The following ZFAT variants were observed in gnomAD, a reference collection of about 807,000 sequenced individuals.
The protein encoded by ZFAT is zinc finger protein ZFAT.
Under a neutral mutation model 117.7 loss-of-function variants are expected in ZFAT, and 64 were observed. The ratio of observed to expected loss-of-function variants is 0.54; its 90% CI spans 0.44 to 0.67. ZFAT has a LOEUF of 0.67. Among genes scored for constraint, ZFAT ranks in the 30% least tolerant of loss-of-function variants. The probability of loss-of-function intolerance (pLI) is 0.00; values close to 1 mark genes in which losing one functional copy is unlikely to be tolerated. For synonymous variants in ZFAT, 679 were observed against 615.0 expected (o/e 1.10, Z -1.54); for missense variants, 1,433 against 1,584.5 (o/e 0.90, Z 1.62).
intron 5 of ZFAT, among the ~76,000 whole-genome samples, chr8:134,604,759 A>G (rs1213393155): frequency 2.6e-5 from 4 of 152,232 alleles, no homozygotes; most frequent in Non-Finnish European, 5.9e-5. Context: ...ACCAGAGGGT[A>G]CAATCCACAT....
At chr8:134,810,939 G>A in the ZFAT span, among the ~76,000 whole-genome samples, 1 of 151,924 alleles carries the variant, frequency 6.6e-6, no homozygotes, top group Non-Finnish European at 1.5e-5. Context: ...TAACATGGGG[G>A]GGAAATCAGT....
intron 11 of ZFAT, among the ~76,000 whole-genome samples, chr8:134,546,592 C>G (rs2130666355): frequency 6.6e-6 from 1 of 152,296 alleles, no homozygotes; most frequent in East Asian, 1.9e-4. Flanking sequence ...GTGATAGCTT[C>G]TTCAGTCTTA....
intron 7 of ZFAT, chr8:134,599,739 G>A (rs1033228217): frequency 8.8e-6 from 4 of 455,732 alleles, no homozygotes; most frequent in Non-Finnish European, 1.8e-5. Flanking sequence ...CCTGGGGCCA[G>A]ATGTGCTTCC....
chr8:134,536,192 C>T (rs1821825741), intron 11 of ZFAT, among the ~76,000 whole-genome samples: 1 of 152,180 alleles, frequency 6.6e-6, no homozygotes, highest in African/African-American at 2.4e-5. Flanking sequence ...GTCTCTTGAG[C>T]TAGCAATTTC....
intron 1 of ZFAT, among the ~76,000 whole-genome samples, chr8:134,697,911 G>A (rs987984703): frequency 7.9e-5 from 12 of 151,424 alleles, no homozygotes; most frequent in African/African-American, 2.2e-4. Flanking sequence ...GCTCAGTGCT[G>A]AGCAACAGAC....
intron 1 of ZFAT, among the ~76,000 whole-genome samples, chr8:134,709,456 G>A (rs537945384): frequency 2.0e-5 from 3 of 152,308 alleles, no homozygotes; most frequent in East Asian, 1.9e-4. Context: ...GCCAGAGCAC[G>A]TGCTCTTTCT....
chr8:134,722,754 A>AG, the ZFAT span, among the ~76,000 whole-genome samples: 3 of 152,162 alleles, frequency 2.0e-5, no homozygotes, highest in Non-Finnish European at 4.4e-5. Context: ...CTCGACCTTG[A>AG]GGGGCTTACA....
At chr8:134,617,569 G>A (rs1828833903) in intron 3 of ZFAT, among the ~76,000 whole-genome samples, 1 of 152,146 alleles carries the variant, frequency 6.6e-6, no homozygotes, top group African/African-American at 2.4e-5. Context: ...AGGGGCAGAT[G>A]GGATGGTAGA....
chr8:134,791,136 C>G, the ZFAT span, among the ~76,000 whole-genome samples: 1 of 152,124 alleles, frequency 6.6e-6, no homozygotes, highest in Non-Finnish European at 1.5e-5. Flanking sequence ...CTTAATGTGC[C>G]TCACATTTTT....
chr8:134,798,697 T>C, the ZFAT span, among the ~76,000 whole-genome samples: 1 of 152,082 alleles, frequency 6.6e-6, no homozygotes, highest in African/African-American at 2.4e-5. Flanking sequence ...ATGTATGTAA[T>C]ATAAAGATAT....
rs564507815 is a variant in ZFAT at position 134,546,996 on chromosome 8, A to G, written c.2977-14024T>C. Among the ~76,000 whole-genome samples, 12 of 152,344 alleles carry G rather than the reference A, an allele frequency of 7.9e-5. No homozygotes were observed. In the East Asian group the frequency reaches 2.1e-3, roughly 27 times the overall value. On this transcript the variant is annotated intron_variant, in intron 11 of 15. Coordinates refer to ENST00000377838, the MANE Select transcript of ZFAT (RefSeq NM_020863.4). ...TGCAGCAATAGAGGAAGATGAGCTC[A>G]AGGAGGGGACCCCAAATTCACAACA...
intron 8 of ZFAT, among the ~76,000 whole-genome samples, chr8:134,588,695 T>C (rs77496190): frequency 0.012 from 1,770 of 152,200 alleles, 28 homozygotes; most frequent in African/African-American, 0.04. Flanking sequence ...GTCAATGTCA[T>C]GGAAAAAAGC....
intron 1 of ZFAT, among the ~76,000 whole-genome samples, chr8:134,703,347 T>A (rs1402507948): frequency 6.6e-6 from 1 of 152,276 alleles, no homozygotes; most frequent in Non-Finnish European, 1.5e-5. Context: ...ATTAGTTTTG[T>A]CTGCCTTACA....
intron 11 of ZFAT, among the ~76,000 whole-genome samples, chr8:134,537,961 G>A (rs925259220): frequency 7.9e-5 from 12 of 152,182 alleles, no homozygotes; most frequent in African/African-American, 2.9e-4. Flanking sequence ...AAGTCATATG[G>A]ATAATGGGAG....
the ZFAT span, among the ~76,000 whole-genome samples, chr8:134,747,163 A>G: frequency 1.3e-5 from 2 of 152,008 alleles, no homozygotes; most frequent in African/African-American, 4.8e-5. Context: ...ATCATGGCTC[A>G]CTGCAGCCTC....
At chr8:134,726,986 C>T in the ZFAT span, among the ~76,000 whole-genome samples, 12 of 152,026 alleles carry the variant, frequency 7.9e-5, no homozygotes, top group Admixed American at 4.6e-4. Context: ...GTTTAGCAAC[C>T]ATCTGACCAT....
chr8:134,693,308 T>G (rs796948519), intron 1 of ZFAT, among the ~76,000 whole-genome samples: 46 of 152,256 alleles, frequency 3.0e-4, no homozygotes, highest in African/African-American at 1.0e-3. Context: ...GGGGGCACGC[T>G]GAAGGAATAC....
At chr8:134,649,818 C>A (rs1294421905) in intron 2 of ZFAT, among the ~76,000 whole-genome samples, 2 of 152,118 alleles carry the variant, frequency 1.3e-5, no homozygotes, top group African/African-American at 4.8e-5. Flanking sequence ...CTCTGTGTCC[C>A]CACCCAAATC....
Position 134,600,369 on chromosome 8 carries a change from A to C in ZFAT, c.2475+67T>G, listed in dbSNP as rs772093689. 4 of 1,374,982 alleles carry C rather than the reference A, an allele frequency of 2.9e-6. No homozygotes were observed. In the South Asian group the frequency reaches 4.7e-5, roughly 16 times the overall value. The allele number at this position is 1,374,982 out of a possible 1,614,324, so 85.2% of individuals were successfully genotyped here. ...CCTGCAGCAGAGACACCTACATATA[A>C]GCATAAACTTGAGAAAGCAATGAGC... On this transcript the variant is annotated intron_variant, in intron 7 of 15. Coordinates refer to ENST00000377838, the MANE Select transcript of ZFAT (RefSeq NM_020863.4).
Sources: gnomAD v4.1 joint callset for allele counts (sites outside exome capture counted in the v4.1 genomes callset) on GRCh38, gnomAD v4.1.1 for gene constraint, MANE v1.5 for transcripts, NCBI Gene and HGNC (gene_info 2026-07-23, HGNC 2026-07-21) for gene names.